GNA14: variants seen among roughly 807,000 people sequenced by gnomAD.
GNA14 encodes guanine nucleotide-binding protein subunit alpha-14.
GNA14 carries 50 observed loss-of-function variants against 42.0 expected under a neutral mutation model. The ratio of observed to expected loss-of-function variants is 1.19; its 90% CI spans 0.95 to 1.51. The LOEUF is 1.51. Among genes scored for constraint, GNA14 ranks in the 40% most tolerant of loss-of-function variants. The pLI is 0.00. For synonymous variants in GNA14, 173 were observed against 163.1 expected, an observed-to-expected ratio of 1.06 and a Z score of -0.46; for missense variants, 473 against 446.2, an observed-to-expected ratio of 1.06 and a Z score of -0.54.
chr9:77,549,961 G>C (rs1837769391), intron 1 of GNA14, among the ~76,000 whole-genome samples: 1 of 152,276 alleles, frequency 6.6e-6, no homozygotes, highest in African/African-American at 2.4e-5. Flanking sequence ...CATCGTCTTG[G>C]GGGTGAACAT....
chr9:77,507,237 G>A lies in GNA14; in HGVS notation c.309+21832C>T, dbSNP rs371974916. 7.9e-4 allele frequency among the ~76,000 whole-genome samples: 120 copies of A among 152,238 alleles called. 6 individuals carry two copies. In the South Asian group the frequency reaches 0.024, roughly 31 times the overall value. ...GAGCAGGAAAATACTCAGCTTGTTTGGGAGTTAAATAATGAAGAGAAAGAA... is the reference window on the plus strand; with the variant it reads ...GAGCAGGAAAATACTCAGCTTGTTTAGGAGTTAAATAATGAAGAGAAAGAA... On this transcript the variant is annotated intron_variant, in intron 2 of 6. Transcript: ENST00000341700.
intron 1 of GNA14, among the ~76,000 whole-genome samples, chr9:77,561,534 G>A (rs1822883588): frequency 6.6e-6 from 1 of 152,154 alleles, no homozygotes; most frequent in Non-Finnish European, 1.5e-5. Flanking sequence ...TAAAAAGGAA[G>A]GAAATGCTCA....
intron 1 of GNA14, among the ~76,000 whole-genome samples, chr9:77,529,932 T>C (rs561772102): frequency 1.3e-5 from 2 of 152,326 alleles, no homozygotes; most frequent in South Asian, 2.1e-4. Flanking sequence ...TTTGAAAAGG[T>C]AGTAAAAGTT....
At chr9:77,478,850 C>T (rs1836485706) in intron 2 of GNA14, among the ~76,000 whole-genome samples, 1 of 152,010 alleles carries the variant, frequency 6.6e-6, no homozygotes, top group Non-Finnish European at 1.5e-5. Context: ...CTGTTCATAT[C>T]CTTTGCCCAT....
At chr9:77,447,912 G>A (rs1835849098) in intron 2 of GNA14, among the ~76,000 whole-genome samples, 1 of 152,212 alleles carries the variant, frequency 6.6e-6, no homozygotes, top group Admixed American at 6.5e-5. Context: ...CAGGTGGAAG[G>A]TGGAATGGGA....
chr9:77,479,537 T>C (rs181267939), intron 2 of GNA14, among the ~76,000 whole-genome samples: 1 of 152,314 alleles, frequency 6.6e-6, no homozygotes, highest in Admixed American at 6.5e-5. Flanking sequence ...AACTTTAAAG[T>C]AGTTTTATCC....
At chr9:77,582,730 G>T (rs929830320) in intron 1 of GNA14, among the ~76,000 whole-genome samples, 1 of 152,192 alleles carries the variant, frequency 6.6e-6, no homozygotes, top group Non-Finnish European at 1.5e-5. Flanking sequence ...CAGACTGATA[G>T]CAGGCAATCA....
chr9:77,480,413 G>A (rs1836522842), intron 2 of GNA14, among the ~76,000 whole-genome samples: 1 of 152,168 alleles, frequency 6.6e-6, no homozygotes, highest in Admixed American at 6.5e-5. Context: ...ACTTGATCAT[G>A]GTGGATAAGC....
At chr9:77,542,380 G>C (rs1012386986) in intron 1 of GNA14, among the ~76,000 whole-genome samples, 5 of 152,170 alleles carry the variant, frequency 3.3e-5, no homozygotes, top group African/African-American at 1.2e-4. Flanking sequence ...GTTTTACTGG[G>C]GACTAAGATG....
At chr9:77,466,712 C>G (rs561590373) in intron 2 of GNA14, among the ~76,000 whole-genome samples, 195 of 152,258 alleles carry the variant, frequency 1.3e-3, no homozygotes, top group Middle Eastern at 3.4e-3. Context: ...GAGCTGGACA[C>G]TTTAGATAAT....
intron 5 of GNA14, among the ~76,000 whole-genome samples, chr9:77,425,919 C>T (rs72748240): frequency 2.0e-5 from 3 of 152,136 alleles, no homozygotes; most frequent in African/African-American, 7.2e-5. Flanking sequence ...ACTAACCATC[C>T]CCTTCTGGGT....
intron 2 of GNA14, among the ~76,000 whole-genome samples, chr9:77,450,961 C>T (rs1835892793): frequency 6.6e-6 from 1 of 152,288 alleles, no homozygotes; most frequent in African/African-American, 2.4e-5. Flanking sequence ...TCCCCTTCCA[C>T]CATGATTGTG....
chr9:77,590,166 C>G (rs1308958972), intron 1 of GNA14, among the ~76,000 whole-genome samples: 4 of 152,310 alleles, frequency 2.6e-5, no homozygotes, highest in East Asian at 3.9e-4. Context: ...ATCCACCCCC[C>G]TCGGCCTCCC....
intron 2 of GNA14, among the ~76,000 whole-genome samples, chr9:77,494,520 T>TA (rs2131738762): frequency 6.6e-6 from 1 of 152,322 alleles, no homozygotes; most frequent in South Asian, 2.1e-4. Flanking sequence ...GTTAGTGTAT[T>TA]AAGGGTACTG....
At chr9:77,484,333 C>T (rs547137941) in intron 2 of GNA14, among the ~76,000 whole-genome samples, 5 of 152,192 alleles carry the variant, frequency 3.3e-5, no homozygotes, top group East Asian at 1.9e-4. Flanking sequence ...CTAATGGGCA[C>T]ATAAAACAAC....
chr9:77,507,589 T>C (rs891717643), intron 2 of GNA14, among the ~76,000 whole-genome samples: 1 of 152,160 alleles, frequency 6.6e-6, no homozygotes, highest in African/African-American at 2.4e-5. Context: ...TTTCATTGAG[T>C]CTAACCTTGT....
chr9:77,491,269 T>C (rs1836770724), intron 2 of GNA14, among the ~76,000 whole-genome samples: 1 of 152,218 alleles, frequency 6.6e-6, no homozygotes, highest in Non-Finnish European at 1.5e-5. Context: ...TTTGAAGGTA[T>C]AAAATCCACT....
chr9:77,592,523 G>A (rs934629256), intron 1 of GNA14, among the ~76,000 whole-genome samples: 6 of 152,106 alleles, frequency 3.9e-5, no homozygotes, highest in South Asian at 2.1e-4. Flanking sequence ...TAAATTTGCC[G>A]GGGTAGTGGC....
intron 1 of GNA14, among the ~76,000 whole-genome samples, chr9:77,530,652 T>G (rs749901352): frequency 6.6e-6 from 1 of 152,178 alleles, no homozygotes; most frequent in Non-Finnish European, 1.5e-5. Flanking sequence ...AATGACCAAC[T>G]CAATTATTAG....
Sources: allele counts gnomAD v4.1 joint callset (sites outside exome capture counted in the v4.1 genomes callset), GRCh38; gene constraint gnomAD v4.1.1; transcripts MANE v1.5; gene names NCBI Gene and HGNC (gene_info 2026-07-23, HGNC 2026-07-21).